CDH19: variants seen among roughly 807,000 people sequenced by gnomAD.
The protein encoded by CDH19 is cadherin-19.
Under a neutral mutation model 64.2 loss-of-function variants are expected in CDH19, and 67 were observed. The observed-to-expected ratio is 1.04, with a 90% CI of 0.86 to 1.28. The LOEUF (loss-of-function observed/expected upper bound fraction) is 1.28. CDH19 is among the 50% of genes most tolerant of loss of function. CDH19 has a pLI of 0.00. For missense variants in CDH19, 1,030 were observed against 929.0 expected (o/e 1.11, Z -1.41); for synonymous variants, 346 against 319.3 (o/e 1.08, Z -0.89).
intron 7 of CDH19, among the ~76,000 whole-genome samples, chr18:66,537,851 G>T (rs1598992668): frequency 6.6e-6 from 1 of 152,094 alleles, no homozygotes; most frequent in Admixed American, 6.5e-5. Flanking sequence ...GGAAATATAT[G>T]TATGTATACC....
chr18:66,519,488 A>G (rs1468476663), intron 9 of CDH19, among the ~76,000 whole-genome samples: 2 of 152,166 alleles, frequency 1.3e-5, no homozygotes, highest in Non-Finnish European at 2.9e-5. Context: ...AGAGATCTTC[A>G]GCTATTGCAC....
intron 2 of CDH19, 43 bp downstream of exon 2, chr18:66,571,967 C>A: frequency 2.2e-6 from 3 of 1,382,012 alleles, no homozygotes; most frequent in South Asian, 1.3e-5. Context: ...TATTTATTTA[C>A]ATTGTTGTGC....
intron 7 of CDH19, among the ~76,000 whole-genome samples, chr18:66,538,166 T>C (rs1467127262): frequency 8.5e-5 from 13 of 152,128 alleles, no homozygotes; most frequent in Admixed American, 8.5e-4. Context: ...ACAGCTATTT[T>C]TTTCTCTAGA....
intron 9 of CDH19, among the ~76,000 whole-genome samples, chr18:66,524,641 A>G (rs1239781379): frequency 6.6e-6 from 1 of 150,770 alleles, no homozygotes; most frequent in Non-Finnish European, 1.5e-5. Context: ...AAATAAAAAT[A>G]AAGAGTACTC....
chr18:66,553,180 AAAG>A (rs1457799628), intron 4 of CDH19, among the ~76,000 whole-genome samples: 4 of 134,482 alleles, frequency 3.0e-5, no homozygotes, highest in Non-Finnish European at 6.1e-5. Context: ...AAGTTCCAAG[AAAG>A]AAGAGTCCAT....
At chr18:66,558,123 G>A (rs1349747714) in intron 3 of CDH19, among the ~76,000 whole-genome samples, 2 of 149,724 alleles carry the variant, frequency 1.3e-5, no homozygotes, top group African/African-American at 4.9e-5. Context: ...CAGCCTGGGC[G>A]ACAGACATGT....
intron 3 of CDH19, among the ~76,000 whole-genome samples, chr18:66,557,821 TAC>T (rs1329680918): frequency 6.6e-6 from 1 of 151,744 alleles, no homozygotes; most frequent in African/African-American, 2.4e-5. Flanking sequence ...CATGTATATA[TAC>T]ACACATATAT....
At chr18:66,600,475 A>G (rs1454959576) in intron 1 of CDH19, among the ~76,000 whole-genome samples, 3 of 151,918 alleles carry the variant, frequency 2.0e-5, no homozygotes, top group Non-Finnish European at 4.4e-5. Context: ...TCTCATAAAA[A>G]TCATATTTGT....
intron 10 of CDH19, among the ~76,000 whole-genome samples, chr18:66,510,023 T>C (rs1985394953): frequency 6.6e-6 from 1 of 151,864 alleles, no homozygotes; most frequent in Non-Finnish European, 1.5e-5. Flanking sequence ...CTTCTGTGAA[T>C]CCCAAAATAT....
intron 3 of CDH19, 95 bp from the exon 4 acceptor site, chr18:66,554,619 G>A (rs1301357757): frequency 3.1e-6 from 3 of 961,858 alleles, no homozygotes; most frequent in Non-Finnish European, 4.4e-6. Context: ...GCAAGATGTT[G>A]TTACAAAATG....
At chr18:66,551,046 A>T in intron 5 of CDH19, 48 bp downstream of exon 5, 1 of 1,012,912 alleles carries the variant, frequency 9.9e-7, no homozygotes, top group Non-Finnish European at 1.5e-6. Flanking sequence ...TATATTTAAC[A>T]CACTCATATT....
At chr18:66,585,917 G>C (rs904198629) in intron 1 of CDH19, among the ~76,000 whole-genome samples, 5 of 151,974 alleles carry the variant, frequency 3.3e-5, no homozygotes, top group Admixed American at 3.3e-4. Context: ...AGCCCAGTGT[G>C]ACTCAGAACA....
chr18:66,508,480 T>C (rs1030951821), intron 11 of CDH19, among the ~76,000 whole-genome samples: 2 of 151,812 alleles, frequency 1.3e-5, no homozygotes, highest in Non-Finnish European at 2.9e-5. Context: ...CATGGAATCT[T>C]AGCACATCAT....
chr18:66,566,146 T>G lies in CDH19; in HGVS notation c.490+2270A>C, dbSNP rs1357441393. Among the ~76,000 whole-genome samples the G allele has an allele frequency of 7.9e-5, 12 of 151,958 alleles. No individual in the cohort carries two copies. The Admixed American group carries it at 7.9e-4, about 10-fold the overall frequency. On this transcript the variant is annotated intron_variant, in intron 3 of 11. Coordinates refer to ENST00000262150, the MANE Select transcript of CDH19 (RefSeq NM_021153.4). ...CTCCTCTTCTCTAAAATTTTACCCATGCTCTCTCAATTACTGCCTTCGCAT... is the reference window on the plus strand; with the variant it reads ...CTCCTCTTCTCTAAAATTTTACCCAGGCTCTCTCAATTACTGCCTTCGCAT...
rs1332923179 is a variant in CDH19 at position 66,504,752 on chromosome 18, A to G, written c.*60T>C. The G allele has an allele frequency of 6.6e-7, 1 of 1,510,292 alleles. No individual in the cohort carries two copies. The highest frequency in any genetic ancestry group is 8.9e-7 in the Non-Finnish European group (1 of 1,124,750). The allele number at this position is 1,510,292 out of a possible 1,614,324, so 93.6% of individuals were successfully genotyped here. A position where few individuals can be genotyped will look rare whatever the true frequency, so the allele number is the denominator to read the frequency against. On this transcript the variant is annotated 3_prime_UTR_variant, in exon 12 of 12. Transcript: ENST00000262150. Reference sequence around the variant, plus strand: ...TAGAGCCAGGGCACAAAACTCTTTAAGACTACCATTGGGTTCGAATACACA... The same window carrying G: ...TAGAGCCAGGGCACAAAACTCTTTAGGACTACCATTGGGTTCGAATACACA...
At chr18:66,529,158 A>T (rs1986336636) in intron 9 of CDH19, among the ~76,000 whole-genome samples, 1 of 151,966 alleles carries the variant, frequency 6.6e-6, no homozygotes, top group Non-Finnish European at 1.5e-5. Context: ...GTATTTCAAA[A>T]TGAGTATGTT....
rs770930062 is a variant in CDH19 at position 66,572,057 on chromosome 18, A to G, written c.148T>C (p.Phe50Leu). 36 of 1,611,268 alleles carry G rather than the reference A, an allele frequency of 2.2e-5. No individual in the cohort carries two copies. Among genetic ancestry groups the G allele is most frequent in the Non-Finnish European group, 2.9e-5 (34 of 1,178,316 alleles). Residue 50 changes from phenylalanine (F) to leucine (L), a missense_variant, in exon 2 of 12, where the codon TTT becomes CTT. Physicochemically the swap from Phe to Leu is conservative, Grantham distance 22. Transcript: ENST00000262150. ...RVKRGWVWNQ[F>L]FVPEEMNTTS... ...GTATTCATTTCCTCTGGTACAAAAA[A>G]TTGGTTCCACACCCAGCCACGCTTC...
At chr18:66,512,754 T>A (rs930282304) in intron 9 of CDH19, among the ~76,000 whole-genome samples, 3 of 151,504 alleles carry the variant, frequency 2.0e-5, no homozygotes, top group African/African-American at 7.2e-5. Flanking sequence ...TATGTTAAGG[T>A]AAAGCCTTCA....
At position 66,507,624 on chromosome 18, in the gene CDH19, G is replaced by A. The variant is rs114276489; in HGVS notation, c.1828+1371C>T. Reference sequence around the variant, plus strand: ...TAAATTATCTGCTTATAAAAACAGTGATAGCAATAGAAAAAAACAAGCAAA... The same window carrying A: ...TAAATTATCTGCTTATAAAAACAGTAATAGCAATAGAAAAAAACAAGCAAA... On this transcript the variant is annotated intron_variant, in intron 11 of 11. Coordinates refer to ENST00000262150, the MANE Select transcript of CDH19 (RefSeq NM_021153.4). Among the ~76,000 whole-genome samples, 783 of 151,862 alleles carry A rather than the reference G, an allele frequency of 5.2e-3. 8 individuals carry two copies. The highest frequency in any genetic ancestry group is 0.018 in the African/African-American group (742 of 41,464).
Sources: allele counts gnomAD v4.1 joint callset (sites outside exome capture counted in the v4.1 genomes callset), GRCh38; gene constraint gnomAD v4.1.1; transcripts MANE v1.5; gene names NCBI Gene and HGNC (gene_info 2026-07-23, HGNC 2026-07-21).